Variants in SPRYD7 observed in about 807,000 individuals in gnomAD.
SPRYD7 encodes SPRY domain containing 7.
A neutral mutation model predicts 23.8 loss-of-function variants in SPRYD7; 14 were observed. The ratio of observed to expected loss-of-function variants is 0.59; its 90% CI spans 0.39 to 0.92. SPRYD7 has a LOEUF of 0.92. SPRYD7 is among the 40% of genes least tolerant of loss of function. The pLI, the probability that SPRYD7 is intolerant of heterozygous loss-of-function variation, is 0.00. For missense variants in SPRYD7, 194 were observed against 241.7 expected (o/e 0.80, Z 1.31); for synonymous variants, 75 against 84.9 (o/e 0.88, Z 0.64).
intron 1 of SPRYD7, among the ~76,000 whole-genome samples, chr13:49,933,427 C>T (rs948844050): frequency 2.0e-5 from 3 of 151,566 alleles, no homozygotes; most frequent in Non-Finnish European, 2.9e-5. Flanking sequence ...ATGGTGAAAC[C>T]CCCATCTCTA....
chr13:49,926,480 C>A (rs1334915641), intron 3 of SPRYD7, among the ~76,000 whole-genome samples: 1 of 152,112 alleles, frequency 6.6e-6, no homozygotes, highest in Non-Finnish European at 1.5e-5. Context: ...TCTACAAATA[C>A]AGAACCAACT....
chr13:49,931,196 T>C (rs1955944171), intron 1 of SPRYD7, 62 bp from the exon 2 acceptor site: 7 of 1,152,276 alleles, frequency 6.1e-6, no homozygotes, highest in Middle Eastern at 4.7e-4. Context: ...CTTTTCTTTT[T>C]TGAGACGGAG....
chr13:49,925,467 C>T (rs1955871494), intron 3 of SPRYD7, among the ~76,000 whole-genome samples: 2 of 151,944 alleles, frequency 1.3e-5, no homozygotes, highest in Non-Finnish European at 2.9e-5. Context: ...TAAAAGTAAA[C>T]TGATACATGC....
intron 3 of SPRYD7, among the ~76,000 whole-genome samples, chr13:49,922,222 G>C (rs1419971843): frequency 6.6e-6 from 1 of 150,418 alleles, no homozygotes; most frequent in Non-Finnish European, 1.5e-5. Flanking sequence ...AAAATTACTC[G>C]GTACACTATT....
In SPRYD7 at chr13:49,927,906, T is replaced by C; in HGVS notation, c.390+13A>G. 3 of 1,613,922 alleles carry C rather than the reference T, an allele frequency of 1.9e-6. No individual in the cohort carries two copies. The highest frequency in any genetic ancestry group is 2.5e-6 in the Non-Finnish European group (3 of 1,179,904). ...TCATTTACAGTGGAAAGCAACTCCA[T>C]GAGGGAACTCACCACCACATCTCCT... On this transcript the variant is annotated intron_variant, in intron 3 of 4. Transcript: ENST00000361840.
chr13:49,928,155 G>T, intron 2 of SPRYD7, 70 bp from the exon 3 acceptor site: 1 of 1,386,374 alleles, frequency 7.2e-7, no homozygotes, highest in Non-Finnish European at 9.9e-7. Context: ...TTAAAAGGGA[G>T]TATAAACTTT....
chr13:49,927,459 G>A (rs375263264), intron 3 of SPRYD7, among the ~76,000 whole-genome samples: 2 of 150,606 alleles, frequency 1.3e-5, no homozygotes, highest in African/African-American at 4.9e-5. Flanking sequence ...TCATGCCACT[G>A]CACTACAGCC....
chr13:49,931,680 G>T (rs1290227418), intron 1 of SPRYD7, among the ~76,000 whole-genome samples: 1 of 152,192 alleles, frequency 6.6e-6, no homozygotes, highest in East Asian at 1.9e-4. Flanking sequence ...TGGGTACAGT[G>T]GTTCGTACCT....
At chr13:49,933,848 A>T (rs1406501501) in intron 1 of SPRYD7, among the ~76,000 whole-genome samples, 2 of 152,158 alleles carry the variant, frequency 1.3e-5, no homozygotes, top group Admixed American at 1.3e-4. Flanking sequence ...TCCCTTTCAA[A>T]GTAGCTGCCT....
chr13:49,916,246 A>G (rs1345591297), intron 4 of SPRYD7, among the ~76,000 whole-genome samples: 1 of 152,184 alleles, frequency 6.6e-6, no homozygotes, highest in Non-Finnish European at 1.5e-5. Context: ...GGCCAAGAAA[A>G]TGTTCTATTT....
intron 4 of SPRYD7, 82 bp from the exon 5 acceptor site, chr13:49,915,242 A>G (rs759634939): frequency 5.0e-6 from 3 of 601,524 alleles, no homozygotes; most frequent in African/African-American, 1.9e-5. Flanking sequence ...AATAAAATAA[A>G]CTGTCTCCAT....
At chr13:49,921,356 C>T in intron 4 of SPRYD7, 122 bp downstream of exon 4, 2 of 645,318 alleles carry the variant, frequency 3.1e-6, no homozygotes, top group Non-Finnish European at 5.4e-6. Flanking sequence ...TCAATTAAAC[C>T]TCTTTCCTTT....
intron 1 of SPRYD7, among the ~76,000 whole-genome samples, chr13:49,934,357 C>T (rs918327036): frequency 3.3e-5 from 5 of 151,916 alleles, no homozygotes; most frequent in Non-Finnish European, 7.4e-5. Flanking sequence ...CAGTTCGAGA[C>T]CAGCCTGACC....
chr13:49,927,897 G>GC, intron 3 of SPRYD7, 22 bp downstream of exon 3: 1 of 1,612,942 alleles, frequency 6.2e-7, no homozygotes, highest in African/African-American at 1.3e-5. Flanking sequence ...ACAGTGGAAA[G>GC]CAACTCCATG....
Position 49,913,789 on chromosome 13 carries a change from G to A in SPRYD7, c.*1274C>T. On this transcript the variant is annotated 3_prime_UTR_variant, in exon 5 of 5. Coordinates refer to ENST00000361840, the MANE Select transcript of SPRYD7 (RefSeq NM_020456.4). ...GATCCTCCCGCCTCAGCCTCCCAAA[G>A]TGCTGGGATTACAGGTGTGAGCCAC... The A allele has an allele frequency of 6.6e-6, 1 of 152,310 alleles. No homozygotes were observed. Among genetic ancestry groups the A allele is most frequent in the Non-Finnish European group, 1.5e-5 (1 of 68,086 alleles). The allele number at this position is 152,310 out of a possible 1,614,324, so 9.4% of individuals were successfully genotyped here.
At chr13:49,917,856 T>C (rs1187727929) in intron 4 of SPRYD7, among the ~76,000 whole-genome samples, 2 of 152,174 alleles carry the variant, frequency 1.3e-5, no homozygotes, top group African/African-American at 4.8e-5. Flanking sequence ...AAATTGAGTT[T>C]TAAAACACAC....
At position 49,913,083 on chromosome 13, in the gene SPRYD7, C is replaced by T. The variant is rs1955708849; in HGVS notation, c.*1980G>A. The T allele has an allele frequency of 6.6e-6, 1 of 152,130 alleles. No individual in the cohort carries two copies. The highest frequency in any genetic ancestry group is 2.4e-5 in the African/African-American group (1 of 41,428). 9.4% of individuals were successfully genotyped at this position (152,130 alleles called of 1,614,324 possible). ...GGGTTCTGAGAGTGTCCATTTTTAACAAGTTCCAGTGATGCTGATGTTGCC... is the reference window on the plus strand; with the variant it reads ...GGGTTCTGAGAGTGTCCATTTTTAATAAGTTCCAGTGATGCTGATGTTGCC... On this transcript the variant is annotated 3_prime_UTR_variant, in exon 5 of 5. Transcript: ENST00000361840.
chr13:49,931,021 T>G lies in SPRYD7; in HGVS notation c.220A>C (p.Thr74Pro), dbSNP rs1955941506. The stretch of plus-strand genomic sequence containing the variant: ...AGTAAAGTACCATTATACCAACCTG[T>G]GGACTGGATTTTGAATTCAAAATAG... ...KSYFEFKIQS[T>P]GIWGIGVATQ... The change falls in exon 2 of 5, where the codon ACA becomes CCA. Residue 74 changes from threonine to proline, a missense_variant. Coordinates refer to ENST00000361840, the MANE Select transcript of SPRYD7 (RefSeq NM_020456.4). 6.2e-7 allele frequency: 1 copy of G among 1,604,084 alleles called. No homozygotes were observed.
Position 49,913,860 on chromosome 13 carries a change from A to G in SPRYD7, c.*1203T>C, listed in dbSNP as rs1955722243. The G allele has an allele frequency of 6.6e-6, 1 of 152,192 alleles. No homozygotes were observed. The highest frequency in any genetic ancestry group is 2.4e-5 in the African/African-American group (1 of 41,456). 9.4% of individuals were successfully genotyped at this position (152,192 alleles called of 1,614,324 possible). ...ATGATTATTAAGGTGTTATATATGTATTACCTTATTTAATCATAGAATCTT... is the reference window on the plus strand; with the variant it reads ...ATGATTATTAAGGTGTTATATATGTGTTACCTTATTTAATCATAGAATCTT... On this transcript the variant is annotated 3_prime_UTR_variant, in exon 5 of 5. Transcript: ENST00000361840.
Sources: allele counts gnomAD v4.1 joint callset (sites outside exome capture counted in the v4.1 genomes callset), GRCh38; gene constraint gnomAD v4.1.1; transcripts MANE v1.5; gene names NCBI Gene and HGNC (gene_info 2026-07-23, HGNC 2026-07-21).